RAP1GDS1: variants seen among roughly 807,000 people sequenced by gnomAD.
RAP1GDS1 encodes the protein Rap1 GTPase-GDP dissociation stimulator 1, also known as RAP1, GTP-GDP dissociation stimulator 1.
In RAP1GDS1, 35 loss-of-function variants were observed where a neutral mutation model predicts 71.1. The observed-to-expected ratio is 0.49, with a 90% CI of 0.38 to 0.65. The LOEUF (loss-of-function observed/expected upper bound fraction) is 0.65. Among genes scored for constraint, RAP1GDS1 ranks in the 30% least tolerant of loss-of-function variants. The pLI, the probability that RAP1GDS1 is intolerant of heterozygous loss-of-function variation, is 0.00. For synonymous variants in RAP1GDS1, 229 were observed against 243.1 expected, an observed-to-expected ratio of 0.94 and a Z score of 0.54; for missense variants, 663 against 706.1, an observed-to-expected ratio of 0.94 and a Z score of 0.69.
chr4:98,426,644 A>T (rs2110203763), intron 12 of RAP1GDS1, among the ~76,000 whole-genome samples: 1 of 152,226 alleles, frequency 6.6e-6, no homozygotes, highest in South Asian at 2.1e-4. Flanking sequence ...GGAAAAATAC[A>T]ACCTTGCTAG....
intron 4 of RAP1GDS1, among the ~76,000 whole-genome samples, chr4:98,370,401 A>C (rs1426959752): frequency 1.3e-5 from 2 of 152,074 alleles, no homozygotes; most frequent in Non-Finnish European, 1.5e-5. Context: ...TTATTTATAG[A>C]TATTAGGTGA....
At position 98,416,742 on chromosome 4, in the gene RAP1GDS1, T is replaced by C. The variant is rs1427883265; in HGVS notation, c.764-3T>C. 3 of 1,593,950 alleles carry C rather than the reference T, an allele frequency of 1.9e-6. No homozygotes were observed. The highest frequency in any genetic ancestry group is 2.2e-5 in the East Asian group (1 of 44,746). ...TGATTATTTTGTTCACGTTGTTCTT[T>C]AGATGCTATTAAACTACAGCTGGTT... On this transcript the variant is annotated splice_region_variant and splice_polypyrimidine_tract_variant and intron_variant, in intron 7 of 14. Transcript: ENST00000408927.
At chr4:98,267,316 T>C (rs1722829514) in intron 1 of RAP1GDS1, among the ~76,000 whole-genome samples, 1 of 152,134 alleles carries the variant, frequency 6.6e-6, no homozygotes, top group Non-Finnish European at 1.5e-5. Flanking sequence ...TTTAAAATAA[T>C]TTCAACTTTT....
intron 5 of RAP1GDS1, 85 bp from the exon 6 acceptor site, chr4:98,391,867 A>G: frequency 7.9e-7 from 1 of 1,269,130 alleles, no homozygotes; most frequent in Non-Finnish European, 1.0e-6. Flanking sequence ...CCAATAGGGA[A>G]AATAAGAGGT....
chr4:98,430,697 T>G (rs2110211302), intron 12 of RAP1GDS1, among the ~76,000 whole-genome samples: 1 of 152,326 alleles, frequency 6.6e-6, no homozygotes, highest in Non-Finnish European at 1.5e-5. Context: ...CTGGACGTAC[T>G]TTGGAAAAAT....
chr4:98,302,677 A>G (rs879879222), intron 2 of RAP1GDS1, among the ~76,000 whole-genome samples: 2 of 152,202 alleles, frequency 1.3e-5, no homozygotes, highest in Non-Finnish European at 1.5e-5. Context: ...GTGTAGGAAA[A>G]CTTTTAGACT....
At chr4:98,403,975 T>C (rs1745783829) in intron 6 of RAP1GDS1, among the ~76,000 whole-genome samples, 1 of 152,162 alleles carries the variant, frequency 6.6e-6, no homozygotes, top group Non-Finnish European at 1.5e-5. Context: ...ATGTGAGAAA[T>C]ACCAAAGTAT....
At chr4:98,368,261 T>C (rs986307688) in intron 4 of RAP1GDS1, among the ~76,000 whole-genome samples, 3 of 152,130 alleles carry the variant, frequency 2.0e-5, no homozygotes, top group African/African-American at 7.2e-5. Flanking sequence ...TTGTGAGGCT[T>C]CCCCTGCCAT....
intron 2 of RAP1GDS1, among the ~76,000 whole-genome samples, chr4:98,319,752 G>A (rs995677509): frequency 2.1e-5 from 3 of 140,930 alleles, no homozygotes; most frequent in Non-Finnish European, 4.5e-5. Flanking sequence ...CTGCCCTCCA[G>A]CCTGGGCAAC....
intron 4 of RAP1GDS1, among the ~76,000 whole-genome samples, chr4:98,366,675 A>G (rs1329685582): frequency 2.6e-5 from 4 of 152,148 alleles, no homozygotes; most frequent in Non-Finnish European, 4.4e-5. Flanking sequence ...CTCAGATAGA[A>G]ATGAAAAACT....
chr4:98,363,339 GC>G (rs1311857260), intron 4 of RAP1GDS1, among the ~76,000 whole-genome samples: 1 of 151,554 alleles, frequency 6.6e-6, no homozygotes, highest in Non-Finnish European at 1.5e-5. Context: ...TAAAAAATGA[GC>G]CATTATGGTG....
At chr4:98,324,939 A>G (rs1415105155) in intron 2 of RAP1GDS1, among the ~76,000 whole-genome samples, 1 of 151,998 alleles carries the variant, frequency 6.6e-6, no homozygotes, top group Non-Finnish European at 1.5e-5. Context: ...ATAAAACTAA[A>G]GAGCTTCTGC....
chr4:98,409,064 CA>C (rs569281145), intron 7 of RAP1GDS1, among the ~76,000 whole-genome samples: 22 of 152,072 alleles, frequency 1.4e-4, no homozygotes, highest in African/African-American at 5.3e-4. Flanking sequence ...TAAGATAAAG[CA>C]ATAAAACTCT....
chr4:98,355,808 T>C (rs1003557762), intron 4 of RAP1GDS1, among the ~76,000 whole-genome samples: 1 of 152,108 alleles, frequency 6.6e-6, no homozygotes, highest in African/African-American at 2.4e-5. Flanking sequence ...CCTTATATAA[T>C]CCTGACATGA....
At chr4:98,281,166 T>TG (rs57114208) in intron 1 of RAP1GDS1, among the ~76,000 whole-genome samples, 1 of 152,016 alleles carries the variant, frequency 6.6e-6, no homozygotes, top group Admixed American at 6.5e-5. Context: ...GGTAGCTTGA[T>TG]GGGGGGATGG....
In RAP1GDS1 at chr4:98,348,404, A is replaced by G. The variant is rs536502951; in HGVS notation, c.236-4072A>G. On this transcript the variant is annotated intron_variant, in intron 3 of 14. Coordinates refer to ENST00000408927, the MANE Select transcript of RAP1GDS1 (RefSeq NM_001100427.2). The stretch of plus-strand genomic sequence containing the variant: ...GGGTTGGTTCCAAGTTTTTGCTATT[A>G]TGAATAGTGCCACAGTAAACATACG... 8.5e-5 allele frequency among the ~76,000 whole-genome samples: 13 copies of G among 152,270 alleles called. No homozygotes were observed. The South Asian group carries it at 2.7e-3, about 32-fold the overall frequency.
intron 1 of RAP1GDS1, among the ~76,000 whole-genome samples, chr4:98,280,624 T>A (rs150632896): frequency 0.14 from 21,611 of 152,152 alleles, 2,238 homozygotes; most frequent in African/African-American, 0.29. Context: ...TTAGATCCCA[T>A]TTGTCAATTT....
At chr4:98,329,626 A>G (rs1477293005) in intron 2 of RAP1GDS1, among the ~76,000 whole-genome samples, 1 of 151,994 alleles carries the variant, frequency 6.6e-6, no homozygotes, top group Non-Finnish European at 1.5e-5. Context: ...CATCTCTACT[A>G]AAAATACAAA....
intron 1 of RAP1GDS1, among the ~76,000 whole-genome samples, chr4:98,288,427 A>G (rs971693360): frequency 1.3e-5 from 2 of 152,142 alleles, no homozygotes; most frequent in African/African-American, 4.8e-5. Context: ...AATCCCGTCT[A>G]TCATTGTTGG....
Sources: allele counts gnomAD v4.1 joint callset (sites outside exome capture counted in the v4.1 genomes callset), GRCh38; gene constraint gnomAD v4.1.1; transcripts MANE v1.5; gene names NCBI Gene and HGNC (gene_info 2026-07-23, HGNC 2026-07-21).